SLC35F1: variants seen among roughly 807,000 people sequenced by gnomAD.
SLC35F1 encodes the protein solute carrier family 35 member F1, also known as chromosome 6 open reading frame 169.
A neutral mutation model predicts 48.7 loss-of-function variants in SLC35F1; 14 were observed. The ratio of observed to expected loss-of-function variants is 0.29; its 90% confidence interval spans 0.19 to 0.45. The LOEUF (loss-of-function observed/expected upper bound fraction) is 0.45. Among genes scored for constraint, SLC35F1 ranks in the 20% least tolerant of loss-of-function variants. The probability of loss-of-function intolerance (pLI) is 1.00; values close to 1 mark genes in which losing one functional copy is unlikely to be tolerated. For synonymous variants in SLC35F1, 190 were observed against 202.2 expected (o/e 0.94, Z 0.51); for missense variants, 404 against 500.0 (o/e 0.81, Z 1.83).
intron 1 of SLC35F1, among the ~76,000 whole-genome samples, chr6:118,031,975 A>AT (rs1772061274): frequency 6.6e-6 from 1 of 152,044 alleles, no homozygotes. Context: ...TTGGTATTCA[A>AT]TCCCGCCTCT....
chr6:117,997,638 G>T (rs991192545), intron 1 of SLC35F1, among the ~76,000 whole-genome samples: 2 of 152,182 alleles, frequency 1.3e-5, no homozygotes, highest in African/African-American at 4.8e-5. Flanking sequence ...TTAAAGAAAA[G>T]AATTTTCAAC....
At chr6:118,274,356 T>C (rs1775893805) in intron 4 of SLC35F1, among the ~76,000 whole-genome samples, 1 of 152,214 alleles carries the variant, frequency 6.6e-6, no homozygotes, top group Non-Finnish European at 1.5e-5. Flanking sequence ...GGGTAAAGCA[T>C]TTATTTTGTT....
chr6:118,242,583 G>C (rs902001490), intron 3 of SLC35F1, among the ~76,000 whole-genome samples: 9 of 152,206 alleles, frequency 5.9e-5, no homozygotes, highest in African/African-American at 2.2e-4. Context: ...AGGATGAATA[G>C]ATTGTGCTGT....
At chr6:118,006,604 G>A (rs1368781842) in intron 1 of SLC35F1, among the ~76,000 whole-genome samples, 1 of 152,122 alleles carries the variant, frequency 6.6e-6, no homozygotes, top group Non-Finnish European at 1.5e-5. Context: ...GGGTGATAGA[G>A]CAAGACTCTG....
intron 1 of SLC35F1, among the ~76,000 whole-genome samples, chr6:118,085,487 CTTTTTTTTTTT>C (rs59548308): frequency 5.3e-5 from 3 of 56,956 alleles, no homozygotes; most frequent in Admixed American, 3.2e-4. Context: ...TCTTTCTTTC[CTTTTTTTTTTT>C]TTTTTTTTTT....
At chr6:118,278,726 T>A (rs1160834019) in intron 6 of SLC35F1, among the ~76,000 whole-genome samples, 1 of 152,226 alleles carries the variant, frequency 6.6e-6, no homozygotes, top group Non-Finnish European at 1.5e-5. Context: ...AGTTGCATGT[T>A]ACAGAAAGCA....
intron 1 of SLC35F1, among the ~76,000 whole-genome samples, chr6:117,960,663 C>A (rs1271561237): frequency 6.6e-6 from 1 of 151,940 alleles, no homozygotes; most frequent in African/African-American, 2.4e-5. Context: ...AAAGTGGGTA[C>A]AGTATGAATG....
At chr6:118,161,177 G>A (rs186720067) in intron 2 of SLC35F1, among the ~76,000 whole-genome samples, 8 of 152,050 alleles carry the variant, frequency 5.3e-5, no homozygotes, top group South Asian at 4.2e-4. Flanking sequence ...GCATTTCCCC[G>A]TATATCAGAC....
intron 7 of SLC35F1, 131 bp downstream of exon 7, chr6:118,285,469 C>G: frequency 9.9e-7 from 1 of 1,006,940 alleles, no homozygotes; most frequent in Non-Finnish European, 1.5e-6. Flanking sequence ...GTGCTAACCT[C>G]CATGATTTAG....
At chr6:118,212,449 T>C (rs1197809694) in intron 2 of SLC35F1, among the ~76,000 whole-genome samples, 1 of 152,178 alleles carries the variant, frequency 6.6e-6, no homozygotes, top group East Asian at 1.9e-4. Flanking sequence ...CACCACTTTG[T>C]GAGGGTGAGG....
intron 1 of SLC35F1, among the ~76,000 whole-genome samples, chr6:118,033,155 A>G (rs181525324): frequency 2.2e-4 from 33 of 152,314 alleles, no homozygotes; most frequent in Non-Finnish European, 4.1e-4. Flanking sequence ...TTCATGAAAT[A>G]AATAAATAAA....
At chr6:118,071,356 TG>T (rs1562281195) in intron 1 of SLC35F1, among the ~76,000 whole-genome samples, 1 of 151,904 alleles carries the variant, frequency 6.6e-6, no homozygotes, top group African/African-American at 2.4e-5. Flanking sequence ...CTTTGTTTCT[TG>T]CCCTGTTTTT....
chr6:118,055,850 G>A (rs1196586293), intron 1 of SLC35F1, among the ~76,000 whole-genome samples: 3 of 152,156 alleles, frequency 2.0e-5, no homozygotes, highest in African/African-American at 7.2e-5. Context: ...TCAGTATCCT[G>A]GAACCAATCC....
At chr6:117,955,842 C>G (rs986617993) in intron 1 of SLC35F1, among the ~76,000 whole-genome samples, 2 of 152,196 alleles carry the variant, frequency 1.3e-5, no homozygotes, top group Non-Finnish European at 2.9e-5. Context: ...CAAGTGCAAG[C>G]ACAAGTACTG....
At chr6:118,011,609 C>T (rs940121416) in intron 1 of SLC35F1, among the ~76,000 whole-genome samples, 1 of 152,130 alleles carries the variant, frequency 6.6e-6, no homozygotes, top group Non-Finnish European at 1.5e-5. Flanking sequence ...CTCACATGTG[C>T]AGTTCACAAT....
chr6:118,007,056 T>C (rs563570150), intron 1 of SLC35F1, among the ~76,000 whole-genome samples: 8 of 152,248 alleles, frequency 5.3e-5, no homozygotes, highest in Non-Finnish European at 1.2e-4. Flanking sequence ...ACTGTCTTAA[T>C]TCATTTTCTG....
intron 1 of SLC35F1, among the ~76,000 whole-genome samples, chr6:118,124,238 C>A (rs189865186): frequency 3.9e-5 from 6 of 152,190 alleles, no homozygotes; most frequent in African/African-American, 1.4e-4. Context: ...TCTTTCAACC[C>A]TAAAATGAAA....
chr6:118,286,747 T>C (rs890170917), intron 7 of SLC35F1, among the ~76,000 whole-genome samples: 2 of 151,996 alleles, frequency 1.3e-5, no homozygotes, highest in African/African-American at 4.8e-5. Context: ...GCTAATTATA[T>C]CCATCACCTC....
intron 1 of SLC35F1, among the ~76,000 whole-genome samples, chr6:118,044,582 A>G (rs1772273275): frequency 6.6e-6 from 1 of 152,152 alleles, no homozygotes; most frequent in East Asian, 1.9e-4. Context: ...CCTTATGTCC[A>G]GGAATGTGGG....
Sources: allele counts gnomAD v4.1 joint callset (sites outside exome capture counted in the v4.1 genomes callset), GRCh38; gene constraint gnomAD v4.1.1; transcripts MANE v1.5; gene names NCBI Gene and HGNC (gene_info 2026-07-23, HGNC 2026-07-21).